Variants in MACROD2 observed in about 807,000 individuals in gnomAD.
MACROD2 encodes mono-ADP ribosylhydrolase 2, also known as ADP-ribose glycohydrolase MACROD2.
Under a neutral mutation model 70.4 loss-of-function variants are expected in MACROD2, and 36 were observed. The observed-to-expected ratio is 0.51, with a 90% CI of 0.39 to 0.68. MACROD2 has a LOEUF of 0.68. Ranked by LOEUF, MACROD2 falls within the 30% of genes least tolerant of loss-of-function variation. The probability of loss-of-function intolerance (pLI) is 0.00; values close to 1 mark genes in which losing one functional copy is unlikely to be tolerated. For synonymous variants in MACROD2, 172 were observed against 178.8 expected, an observed-to-expected ratio of 0.96 and a Z score of 0.30; for missense variants, 496 against 538.4, an observed-to-expected ratio of 0.92 and a Z score of 0.78.
chr20:15,942,012 CCAGAT>C (rs2065757565), intron 12 of MACROD2, among the ~76,000 whole-genome samples: 1 of 152,038 alleles, frequency 6.6e-6, no homozygotes, highest in Admixed American at 6.5e-5. Flanking sequence ...ACTTTGGAGA[CCAGAT>C]ATTTAAAAAA....
intron 3 of MACROD2, among the ~76,000 whole-genome samples, chr20:14,332,433 T>C (rs970986181): frequency 2.6e-5 from 4 of 152,104 alleles, no homozygotes; most frequent in Non-Finnish European, 5.9e-5. Flanking sequence ...GGTGGGAGTG[T>C]TATGAGAAGG....
At chr20:15,708,404 A>C (rs1413140171) in intron 8 of MACROD2, among the ~76,000 whole-genome samples, 1 of 152,142 alleles carries the variant, frequency 6.6e-6, no homozygotes, top group Non-Finnish European at 1.5e-5. Context: ...ATGTGATGCA[A>C]CTGAGGGATG....
At chr20:15,577,749 T>C (rs576635920) in intron 8 of MACROD2, among the ~76,000 whole-genome samples, 2 of 152,224 alleles carry the variant, frequency 1.3e-5, no homozygotes, top group Non-Finnish European at 2.9e-5. Flanking sequence ...GCAATACTTT[T>C]CTGGAACATC....
At chr20:14,025,054 T>G (rs2053142290) in intron 2 of MACROD2, among the ~76,000 whole-genome samples, 1 of 152,210 alleles carries the variant, frequency 6.6e-6, no homozygotes, top group South Asian at 2.1e-4. Flanking sequence ...CTGAACTTGT[T>G]ATGGTTTATT....
At chr20:14,348,425 G>A (rs2122685984) in intron 3 of MACROD2, among the ~76,000 whole-genome samples, 1 of 152,162 alleles carries the variant, frequency 6.6e-6, no homozygotes, top group Middle Eastern at 3.4e-3. Context: ...AGGTATACCA[G>A]TTCAGGATGT....
intron 10 of MACROD2, among the ~76,000 whole-genome samples, chr20:15,904,496 T>TA (rs2065113434): frequency 6.6e-6 from 1 of 152,206 alleles, no homozygotes; most frequent in South Asian, 2.1e-4. Flanking sequence ...GGTGTTTTTT[T>TA]ATTGTTTTTG....
At chr20:15,274,053 A>T (rs1363538001) in intron 6 of MACROD2, among the ~76,000 whole-genome samples, 1 of 152,238 alleles carries the variant, frequency 6.6e-6, no homozygotes, top group African/African-American at 2.4e-5. Flanking sequence ...GAGCTAAGAT[A>T]GTTCTAAGAG....
At chr20:15,189,814 A>T (rs1287086419) in intron 5 of MACROD2, among the ~76,000 whole-genome samples, 1 of 152,172 alleles carries the variant, frequency 6.6e-6, no homozygotes, top group African/African-American at 2.4e-5. Context: ...GGGACCTGAG[A>T]TCATTACAGT....
chr20:15,226,206 C>T (rs951158831), intron 5 of MACROD2, among the ~76,000 whole-genome samples: 6 of 152,134 alleles, frequency 3.9e-5, no homozygotes, highest in East Asian at 1.9e-4. Flanking sequence ...CAGAAGGTCA[C>T]GTAGCTGATT....
At chr20:15,991,908 A>G (rs780300737) in intron 15 of MACROD2, among the ~76,000 whole-genome samples, 8 of 152,162 alleles carry the variant, frequency 5.3e-5, no homozygotes, top group Non-Finnish European at 1.0e-4. Flanking sequence ...ATATTGGTTA[A>G]GTACCTTGAA....
intron 10 of MACROD2, among the ~76,000 whole-genome samples, chr20:15,910,149 T>G (rs772336312): frequency 6.6e-6 from 1 of 152,228 alleles, no homozygotes; most frequent in African/African-American, 2.4e-5. Flanking sequence ...CTTTTCTGTT[T>G]CCTGTTTAAA....
intron 3 of MACROD2, chr20:14,324,149 A>G (rs2122560841): frequency 6.5e-6 from 1 of 152,752 alleles, no homozygotes. Flanking sequence ...TAAAAGTTTT[A>G]TTCAGCAATA....
chr20:14,077,686 TG>T (rs1243325685), intron 2 of MACROD2, among the ~76,000 whole-genome samples: 1 of 152,198 alleles, frequency 6.6e-6, no homozygotes, highest in African/African-American at 2.4e-5. Context: ...TGAATGGATA[TG>T]GAAAACTGTA....
intron 3 of MACROD2, among the ~76,000 whole-genome samples, chr20:14,230,648 T>A (rs1367935982): frequency 9.3e-5 from 2 of 21,532 alleles, no homozygotes; most frequent in African/African-American, 3.8e-4. Context: ...TATATATATA[T>A]ATATATAACA....
chr20:14,343,709 A>C (rs2122670305), intron 3 of MACROD2, among the ~76,000 whole-genome samples: 1 of 152,368 alleles, frequency 6.6e-6, no homozygotes, highest in East Asian at 1.9e-4. Flanking sequence ...TTACAAATCA[A>C]AGGACAAATT....
chr20:14,039,691 T>C (rs561394230), intron 2 of MACROD2, among the ~76,000 whole-genome samples: 5 of 152,230 alleles, frequency 3.3e-5, no homozygotes, highest in Admixed American at 2.6e-4. Flanking sequence ...AGGTTGTAAA[T>C]TGGGGAACCT....
intron 5 of MACROD2, among the ~76,000 whole-genome samples, chr20:15,217,771 GT>G (rs553248548): frequency 1.3e-5 from 2 of 151,276 alleles, no homozygotes; most frequent in Middle Eastern, 3.4e-3. Flanking sequence ...TTATTTTCAG[GT>G]TTTTTTTTCT....
Position 14,994,677 on chromosome 20 carries a change from C to T in MACROD2, c.419-235263C>T, listed in dbSNP as rs147923551. The stretch of plus-strand genomic sequence containing the variant: ...ATGAATATGGAGGAACAGAGAAACA[C>T]CAGCACACCAATATCTCTCACTGAT... On this transcript the variant is annotated intron_variant, in intron 5 of 17. Coordinates refer to ENST00000684519, the MANE Select transcript of MACROD2 (RefSeq NM_001351661.2). Among the ~76,000 whole-genome samples, 56 of 152,226 alleles carry T rather than the reference C, an allele frequency of 3.7e-4. No individual in the cohort carries two copies. The East Asian group carries it at 8.5e-3, about 23-fold the overall frequency.
intron 3 of MACROD2, among the ~76,000 whole-genome samples, chr20:14,376,926 ATT>A (rs1600176391): frequency 6.6e-6 from 1 of 152,162 alleles, no homozygotes; most frequent in East Asian, 1.9e-4. Context: ...AGGCAATAAT[ATT>A]AATACTAAAT....
Sources: allele counts gnomAD v4.1 joint callset (sites outside exome capture counted in the v4.1 genomes callset), GRCh38; gene constraint gnomAD v4.1.1; transcripts MANE v1.5; gene names NCBI Gene and HGNC (gene_info 2026-07-23, HGNC 2026-07-21).